NTNG1: variants seen among roughly 807,000 people sequenced by gnomAD.
NTNG1 encodes netrin-G1.
Under a neutral mutation model 54.0 loss-of-function variants are expected in NTNG1, and 16 were observed. The observed-to-expected ratio is 0.30, with a 90% confidence interval of 0.20 to 0.45. NTNG1 has a LOEUF of 0.45. Ranked by LOEUF, NTNG1 falls within the 20% of genes least tolerant of loss-of-function variation. The pLI is 1.00. For missense variants in NTNG1, 530 were observed against 678.7 expected (o/e 0.78, Z 2.43); for synonymous variants, 255 against 263.1 (o/e 0.97, Z 0.30).
chr1:107,411,009 G>A (rs964517152), intron 5 of NTNG1, among the ~76,000 whole-genome samples: 1 of 152,086 alleles, frequency 6.6e-6, no homozygotes, highest in African/African-American at 2.4e-5. Flanking sequence ...AGACCATTTC[G>A]AACTCTTGGA....
Position 107,480,623 on chromosome 1 carries a change from A to G in NTNG1, c.1403A>G (p.Asp468Gly), listed in dbSNP as rs750991910. ...WHYGCQPNVC[D>G]NELLHCQNGG... ...CCTCATTCTGCAGCGAATGTCTGCGACAACGAGCTCCTGCACTGCCAGAAC... is the reference window on the plus strand; with the variant it reads ...CCTCATTCTGCAGCGAATGTCTGCGGCAACGAGCTCCTGCACTGCCAGAAC... The change falls in exon 8 of 8, where the codon GAC (aspartate) becomes GGC (glycine). Residue 468 changes from aspartate to glycine, a missense_variant. Transcript: ENST00000370068. The G allele has an allele frequency of 8.0e-7, 1 of 1,253,246 alleles. No homozygotes were observed. Among genetic ancestry groups the G allele is most frequent in the South Asian group, 1.2e-5 (1 of 80,372 alleles). 77.6% of individuals were successfully genotyped at this position (1,253,246 alleles called of 1,614,324 possible).
intron 7 of NTNG1, among the ~76,000 whole-genome samples, chr1:107,437,537 T>C (rs535405656): frequency 1.3e-5 from 2 of 152,318 alleles, no homozygotes; most frequent in South Asian, 4.1e-4. Context: ...TAACTTTCCA[T>C]TTCATCTATA....
chr1:107,216,151 C>T (rs897267649), intron 2 of NTNG1, among the ~76,000 whole-genome samples: 6 of 152,088 alleles, frequency 3.9e-5, no homozygotes, highest in African/African-American at 1.4e-4. Context: ...TTTCTCTTGT[C>T]CAGTTGCTCT....
intron 2 of NTNG1, among the ~76,000 whole-genome samples, chr1:107,182,248 G>T (rs1009061722): frequency 6.6e-6 from 1 of 152,006 alleles, no homozygotes; most frequent in African/African-American, 2.4e-5. Flanking sequence ...AAAAGTATAG[G>T]CACAAGTACA....
intron 3 of NTNG1, among the ~76,000 whole-genome samples, chr1:107,352,326 C>A (rs1669669500): frequency 6.6e-6 from 1 of 151,854 alleles, no homozygotes; most frequent in African/African-American, 2.4e-5. Context: ...AGGCTTCTGC[C>A]TGGACATTCA....
chr1:107,249,482 C>CA (rs10564675), intron 2 of NTNG1, among the ~76,000 whole-genome samples: 41 of 120,542 alleles, frequency 3.4e-4, no homozygotes, highest in African/African-American at 1.1e-3. Flanking sequence ...AACTCCGTCT[C>CA]AAAAAAAAAA....
intron 2 of NTNG1, among the ~76,000 whole-genome samples, chr1:107,284,194 C>T (rs1665046842): frequency 6.6e-6 from 1 of 152,056 alleles, no homozygotes; most frequent in Admixed American, 6.6e-5. Context: ...TACTCAATAC[C>T]TAGTCACTGA....
intron 7 of NTNG1, 77 bp from the exon 8 acceptor site, chr1:107,480,534 T>G (rs1678622278): frequency 2.4e-6 from 2 of 842,872 alleles, no homozygotes; most frequent in South Asian, 1.7e-5. Context: ...GAAAACATGA[T>G]GTACCAGATG....
chr1:107,293,903 T>C (rs1355398799), intron 2 of NTNG1, among the ~76,000 whole-genome samples: 1 of 152,204 alleles, frequency 6.6e-6, no homozygotes, highest in African/African-American at 2.4e-5. Flanking sequence ...TTTTCTTGTG[T>C]ATATTTTCCA....
chr1:107,472,012 A>C (rs977944420), intron 7 of NTNG1, among the ~76,000 whole-genome samples: 1 of 152,194 alleles, frequency 6.6e-6, no homozygotes, highest in African/African-American at 2.4e-5. Context: ...AAATAGGACA[A>C]GTGTTATTAT....
chr1:107,397,562 C>A (rs1672757298), intron 4 of NTNG1, among the ~76,000 whole-genome samples: 1 of 152,148 alleles, frequency 6.6e-6, no homozygotes, highest in Non-Finnish European at 1.5e-5. Flanking sequence ...ACAGTTATTA[C>A]CTCCTGTGGA....
chr1:107,155,005 TC>T (rs972013327), intron 2 of NTNG1, among the ~76,000 whole-genome samples: 1 of 151,848 alleles, frequency 6.6e-6, no homozygotes, highest in Non-Finnish European at 1.5e-5. Context: ...CCTCCTTCAG[TC>T]CCCCTGGAGA....
chr1:107,226,149 G>A (rs1660660904), intron 2 of NTNG1, among the ~76,000 whole-genome samples: 1 of 152,172 alleles, frequency 6.6e-6, no homozygotes, highest in Non-Finnish European at 1.5e-5. Context: ...TTTTAAGCTA[G>A]TGTCAATTGT....
intron 2 of NTNG1, among the ~76,000 whole-genome samples, chr1:107,232,688 A>G (rs1009592320): frequency 1.1e-4 from 16 of 152,184 alleles, no homozygotes; most frequent in African/African-American, 3.4e-4. Context: ...TTTTCTTTCT[A>G]CTCTGGAATG....
chr1:107,199,362 A>G (rs1248560356), intron 2 of NTNG1, among the ~76,000 whole-genome samples: 1 of 151,652 alleles, frequency 6.6e-6, no homozygotes, highest in Non-Finnish European at 1.5e-5. Context: ...CTATAGTGAG[A>G]CTTCTGAATA....
chr1:107,206,538 A>G (rs941458601), intron 2 of NTNG1, among the ~76,000 whole-genome samples: 1 of 152,134 alleles, frequency 6.6e-6, no homozygotes, highest in African/African-American at 2.4e-5. Flanking sequence ...AAAATCTGCC[A>G]TGATGTTCTT....
intron 3 of NTNG1, among the ~76,000 whole-genome samples, chr1:107,388,593 A>G (rs1042935682): frequency 2.6e-5 from 4 of 152,260 alleles, no homozygotes; most frequent in African/African-American, 9.6e-5. Context: ...CAATGAGCAC[A>G]ATGCCAGGTG....
intron 2 of NTNG1, among the ~76,000 whole-genome samples, chr1:107,246,121 C>G (rs189350538): frequency 1.3e-5 from 2 of 151,958 alleles, no homozygotes; most frequent in East Asian, 1.9e-4. Flanking sequence ...GTGTGATCTC[C>G]GCTCACTGCA....
intron 2 of NTNG1, among the ~76,000 whole-genome samples, chr1:107,203,146 T>C (rs573469635): frequency 1.3e-4 from 20 of 152,034 alleles, no homozygotes; most frequent in Non-Finnish European, 2.9e-4. Context: ...TCTTTGTTTT[T>C]CAGGTAATTG....
Sources: allele counts gnomAD v4.1 joint callset (sites outside exome capture counted in the v4.1 genomes callset), GRCh38; gene constraint gnomAD v4.1.1; transcripts MANE v1.5; gene names NCBI Gene and HGNC (gene_info 2026-07-23, HGNC 2026-07-21).